EBF1: variants seen among roughly 807,000 people sequenced by gnomAD.
EBF1 encodes the protein transcription factor COE1.
Under a neutral mutation model 68.4 loss-of-function variants are expected in EBF1, and 10 were observed. The observed-to-expected ratio is 0.15, with a 90% CI of 0.09 to 0.25. The LOEUF is 0.25. EBF1 is among the 10% of genes least tolerant of loss of function. The probability of loss-of-function intolerance (pLI) is 1.00; values close to 1 mark genes in which losing one functional copy is unlikely to be tolerated. For synonymous variants in EBF1, 298 were observed against 299.8 expected (o/e 0.99, Z 0.06); for missense variants, 509 against 794.4 (o/e 0.64, Z 4.32).
chr5:158,735,378 CT>C (rs1263148225), intron 10 of EBF1, among the ~76,000 whole-genome samples: 1 of 152,212 alleles, frequency 6.6e-6, no homozygotes, highest in Non-Finnish European at 1.5e-5. Context: ...TTCAAGCTGT[CT>C]TCCACTGACC....
At chr5:159,034,404 A>G (rs1769597072) in intron 6 of EBF1, among the ~76,000 whole-genome samples, 1 of 152,138 alleles carries the variant, frequency 6.6e-6, no homozygotes, top group African/African-American at 2.4e-5. Flanking sequence ...ATTCCATGAT[A>G]TATTTTTTGT....
intron 6 of EBF1, chr5:158,984,771 C>G (rs989726770): frequency 3.4e-5 from 5 of 146,434 alleles, no homozygotes; most frequent in African/African-American, 1.3e-4. Context: ...ACTGCAGCCT[C>G]TGCCTCCTGG....
chr5:158,935,122 A>C (rs1459517479), intron 6 of EBF1, among the ~76,000 whole-genome samples: 1 of 152,190 alleles, frequency 6.6e-6, no homozygotes, highest in East Asian at 1.9e-4. Context: ...TGGTGGACCC[A>C]GTTTTTGTTT....
chr5:158,765,298 CCTT>C (rs1388845340), intron 10 of EBF1, among the ~76,000 whole-genome samples: 6 of 152,186 alleles, frequency 3.9e-5, no homozygotes, highest in Non-Finnish European at 7.3e-5. Context: ...CAGAGACACT[CCTT>C]CATCTAAACC....
chr5:159,056,911 T>G (rs1441293797), intron 6 of EBF1, among the ~76,000 whole-genome samples: 1 of 152,122 alleles, frequency 6.6e-6, no homozygotes, highest in East Asian at 1.9e-4. Context: ...TGACTATTGA[T>G]GAAATACCTC....
At chr5:158,840,783 T>C (rs1490826625) in intron 6 of EBF1, among the ~76,000 whole-genome samples, 1 of 145,892 alleles carries the variant, frequency 6.9e-6, no homozygotes, top group Non-Finnish European at 1.5e-5. Context: ...GCCATTCTCC[T>C]GCCTCAGCCT....
chr5:158,788,518 C>T (rs977782367), intron 9 of EBF1, among the ~76,000 whole-genome samples: 2 of 152,060 alleles, frequency 1.3e-5, no homozygotes, highest in Non-Finnish European at 2.9e-5. Flanking sequence ...GCTTGAATCC[C>T]AAAGAAGTTG....
At chr5:159,073,633 G>A (rs1778224783) in intron 5 of EBF1, 169 bp from the exon 6 acceptor site, 1 of 672,810 alleles carries the variant, frequency 1.5e-6, no homozygotes, top group Non-Finnish European at 2.6e-6. Flanking sequence ...GTCACCTATG[G>A]GTTAATGGCC....
chr5:158,906,774 T>C (rs1389584857), intron 6 of EBF1, among the ~76,000 whole-genome samples: 1 of 152,224 alleles, frequency 6.6e-6, no homozygotes, highest in East Asian at 1.9e-4. Flanking sequence ...TTCTATTGCA[T>C]TTAGCTCTTG....
At chr5:159,045,536 A>T (rs1772203620) in intron 6 of EBF1, among the ~76,000 whole-genome samples, 1 of 152,138 alleles carries the variant, frequency 6.6e-6, no homozygotes, top group African/African-American at 2.4e-5. Flanking sequence ...ACAAATCCAC[A>T]ATGTTTATTT....
chr5:159,098,748 AG>A (rs930239272), intron 1 of EBF1, among the ~76,000 whole-genome samples: 1 of 149,120 alleles, frequency 6.7e-6, no homozygotes, highest in African/African-American at 2.5e-5. Context: ...AAATGGAAGG[AG>A]GGAAGAGGGG....
At chr5:159,095,304 C>A (rs1782395432) in intron 4 of EBF1, among the ~76,000 whole-genome samples, 1 of 152,140 alleles carries the variant, frequency 6.6e-6, no homozygotes, top group South Asian at 2.1e-4. Flanking sequence ...GGTCCCTGGG[C>A]ACCTTTGAGC....
chr5:158,909,374 G>A (rs1052922104), intron 6 of EBF1, among the ~76,000 whole-genome samples: 14 of 152,162 alleles, frequency 9.2e-5, no homozygotes, highest in Admixed American at 8.5e-4. Flanking sequence ...AGAAACAAAT[G>A]CCAAACAATA....
intron 6 of EBF1, among the ~76,000 whole-genome samples, chr5:158,920,784 C>T (rs987063155): frequency 1.3e-5 from 2 of 152,102 alleles, no homozygotes; most frequent in Admixed American, 1.3e-4. Context: ...TCAATCACAC[C>T]TCATAGATAT....
At chr5:158,712,821 A>G in intron 13 of EBF1, 149 bp downstream of exon 13, 2 of 755,048 alleles carry the variant, frequency 2.6e-6, no homozygotes, top group Admixed American at 3.6e-5. Context: ...GCTAGGACCA[A>G]TATTGTACAA....
chr5:158,965,863 C>T (rs192003989), intron 6 of EBF1, among the ~76,000 whole-genome samples: 17 of 152,300 alleles, frequency 1.1e-4, no homozygotes, highest in South Asian at 2.1e-4. Context: ...ACTAGCCCAT[C>T]GGCACTCTTT....
intron 6 of EBF1, among the ~76,000 whole-genome samples, chr5:158,922,843 A>G (rs1808739535): frequency 6.6e-6 from 1 of 152,202 alleles, no homozygotes; most frequent in Non-Finnish European, 1.5e-5. Context: ...ACTATCATTT[A>G]TTTTATTTTA....
At chr5:158,922,511 A>G (rs552790444) in intron 6 of EBF1, among the ~76,000 whole-genome samples, 7 of 152,364 alleles carry the variant, frequency 4.6e-5, no homozygotes, top group African/African-American at 1.7e-4. Flanking sequence ...AATTTTGTGG[A>G]TAACAAAGAG....
chr5:159,087,311 C>CAT lies in EBF1; in HGVS notation c.412-2573_412-2572insAT, dbSNP rs1488158215. ...ATATACACATATATATATACACACA[C>CAT]ACATATATATACACATATATATATA... is the stretch of plus-strand genomic sequence containing the variant. On this transcript the variant is annotated intron_variant, in intron 4 of 15. Transcript: ENST00000313708. Among the ~76,000 whole-genome samples, 18 of 136,858 alleles carry CAT rather than the reference C, an allele frequency of 1.3e-4. 1 individual carries two copies. The highest frequency in any genetic ancestry group is 4.3e-4 in the East Asian group (2 of 4,656). 89.8% of individuals were successfully genotyped at this position (136,858 alleles called of 152,430 possible).
Sources: gnomAD v4.1 joint callset for allele counts (sites outside exome capture counted in the v4.1 genomes callset) on GRCh38, gnomAD v4.1.1 for gene constraint, MANE v1.5 for transcripts, NCBI Gene and HGNC (gene_info 2026-07-23, HGNC 2026-07-21) for gene names.